The following MAGI2 variants were observed in gnomAD, a reference collection of about 807,000 sequenced individuals.
MAGI2 encodes the protein membrane associated guanylate kinase, WW and PDZ domain containing 2, also known as membrane-associated guanylate kinase, WW and PDZ domain-containing protein 2.
MAGI2 carries 35 observed loss-of-function variants against 133.3 expected under a neutral mutation model. That is an observed-to-expected ratio of 0.26 (90% CI 0.20 to 0.35). The LOEUF (loss-of-function observed/expected upper bound fraction) is 0.35. Ranked by LOEUF, MAGI2 falls within the 10% of genes least tolerant of loss-of-function variation. The pLI is 1.00. For missense variants in MAGI2, 1,636 were observed against 1,863.4 expected (o/e 0.88, Z 2.25); for synonymous variants, 729 against 710.6 (o/e 1.03, Z -0.41).
chr7:78,766,406 G>A (rs1424401496), intron 2 of MAGI2, among the ~76,000 whole-genome samples: 1 of 152,086 alleles, frequency 6.6e-6, no homozygotes, highest in Admixed American at 6.5e-5. Flanking sequence ...AGCCCCAGAT[G>A]GCAAAAAGGT....
intron 2 of MAGI2, among the ~76,000 whole-genome samples, chr7:78,867,102 C>G (rs1467442383): frequency 2.7e-5 from 4 of 149,366 alleles, no homozygotes; most frequent in African/African-American, 9.9e-5. Context: ...GGACTGTAAA[C>G]TAGTTCAACC....
At chr7:78,137,235 C>T (rs1822244216) in intron 16 of MAGI2, among the ~76,000 whole-genome samples, 1 of 152,108 alleles carries the variant, frequency 6.6e-6, no homozygotes, top group Non-Finnish European at 1.5e-5. Flanking sequence ...ATTTGGTCTC[C>T]CTGGCCATAA....
At chr7:78,633,254 G>A (rs1369742693) in intron 2 of MAGI2, among the ~76,000 whole-genome samples, 5 of 152,084 alleles carry the variant, frequency 3.3e-5, no homozygotes, top group Admixed American at 1.3e-4. Flanking sequence ...GGCGGAAGGC[G>A]GGAGGAGGGA....
At chr7:79,034,697 G>A (rs899733013) in intron 1 of MAGI2, among the ~76,000 whole-genome samples, 5 of 152,178 alleles carry the variant, frequency 3.3e-5, no homozygotes, top group Non-Finnish European at 7.3e-5. Flanking sequence ...CAATTAGCCA[G>A]AGTGTGACCA....
intron 2 of MAGI2, among the ~76,000 whole-genome samples, chr7:78,871,091 A>G (rs1014715341): frequency 6.6e-6 from 1 of 152,136 alleles, no homozygotes; most frequent in South Asian, 2.1e-4. Context: ...TGGGCTGATC[A>G]TGAGGTCAGG....
intron 1 of MAGI2, among the ~76,000 whole-genome samples, chr7:79,201,107 G>A (rs1828574970): frequency 1.3e-5 from 2 of 152,002 alleles, no homozygotes; most frequent in South Asian, 2.1e-4. Flanking sequence ...TCAGGAGAGG[G>A]GTGGGAGACA....
chr7:78,140,269 A>AT lies in MAGI2; in HGVS notation c.2846-5064dup, dbSNP rs546069849. On this transcript the variant is annotated intron_variant, in intron 16 of 21. Transcript: ENST00000354212. ...AAATCCTAAGGGAAGGGATTATTAG[A>AT]TCCCCCCTTCTCTCCTCTTTCCTCA... Among the ~76,000 whole-genome samples the AT allele has an allele frequency of 9.7e-4, 148 of 152,214 alleles. 1 individual carries two copies. The highest frequency in any genetic ancestry group is 6.8e-3 in the Middle Eastern group (2 of 294).
chr7:78,784,115 T>A (rs1398330664), intron 2 of MAGI2, among the ~76,000 whole-genome samples: 1 of 152,156 alleles, frequency 6.6e-6, no homozygotes, highest in East Asian at 1.9e-4. Flanking sequence ...ATTAGGTAGA[T>A]CAAGCAAGTC....
At position 78,019,907 on chromosome 7, in the gene MAGI2, T is replaced by C. The variant is rs746621023; in HGVS notation, c.3776A>G (p.Asp1259Gly). 1 of 1,610,698 alleles carries C rather than the reference T, an allele frequency of 6.2e-7. No homozygotes were observed. The highest frequency in any genetic ancestry group is 8.5e-7 in the Non-Finnish European group (1 of 1,178,824). ...PGLPEVGVSLDDGLAPFSPSH... is the reference protein window; with the variant it reads ...PGLPEVGVSLGDGLAPFSPSH... ...TGGAGAGAATGGAGCGAGGCCGTCG[T>C]CCAGGGAGACGCCTACTTCCGGCAG... Residue 1259 changes from aspartate to glycine, a missense_variant, in exon 22 of 22, where the codon GAC becomes GGC. Asp to Gly is a moderately conservative substitution (Grantham distance 94, BLOSUM62 -1). Transcript: ENST00000354212.
chr7:79,259,908 C>T (rs920321306), intron 1 of MAGI2, among the ~76,000 whole-genome samples: 6 of 152,124 alleles, frequency 3.9e-5, no homozygotes, highest in Non-Finnish European at 7.3e-5. Flanking sequence ...CTGCAGGGCA[C>T]TTTATAGGAA....
intron 9 of MAGI2, among the ~76,000 whole-genome samples, chr7:78,294,469 T>C (rs1056494514): frequency 2.6e-5 from 4 of 151,518 alleles, no homozygotes; most frequent in African/African-American, 9.7e-5. Flanking sequence ...AACTCTGTTC[T>C]GTGTTTCTTT....
intron 2 of MAGI2, among the ~76,000 whole-genome samples, chr7:78,865,268 C>G (rs570212928): frequency 5.9e-5 from 9 of 152,060 alleles, no homozygotes; most frequent in Non-Finnish European, 1.0e-4. Flanking sequence ...GACAACACTT[C>G]CTACATTAGG....
rs542995106 is a variant in MAGI2, at chr7:78,960,497, T to C, written c.418+46593A>G. On this transcript the variant is annotated intron_variant, in intron 2 of 21. Coordinates refer to ENST00000354212, the MANE Select transcript of MAGI2 (RefSeq NM_012301.4). ...AGTGAGTACTGCTAGAGTCTTTCTT[T>C]AGTGGCCTTGAGACATAATGTTTGC... Among the ~76,000 whole-genome samples the C allele has an allele frequency of 5.3e-5, 8 of 152,198 alleles. No individual in the cohort carries two copies. The South Asian group carries it at 1.7e-3, about 32-fold the overall frequency.
chr7:79,325,170 C>T (rs1396131750), intron 1 of MAGI2, among the ~76,000 whole-genome samples: 1 of 152,076 alleles, frequency 6.6e-6, no homozygotes, highest in African/African-American at 2.4e-5. Context: ...GGATGCTGTC[C>T]ATCCAACATC....
At chr7:79,370,027 A>C (rs1430067918) in intron 1 of MAGI2, among the ~76,000 whole-genome samples, 1 of 152,092 alleles carries the variant, frequency 6.6e-6, no homozygotes, top group Non-Finnish European at 1.5e-5. Context: ...TAAGGCATGC[A>C]TGAATATAAA....
intron 2 of MAGI2, among the ~76,000 whole-genome samples, chr7:78,877,281 C>T (rs1300225274): frequency 6.6e-6 from 1 of 152,168 alleles, no homozygotes; most frequent in Non-Finnish European, 1.5e-5. Flanking sequence ...CTGTACTTAT[C>T]TGCTAGACGT....
chr7:79,319,275 T>G (rs935065482), intron 1 of MAGI2, among the ~76,000 whole-genome samples: 2 of 152,150 alleles, frequency 1.3e-5, no homozygotes, highest in Admixed American at 6.6e-5. Flanking sequence ...AATGCTTGAG[T>G]GAATATAGTG....
intron 7 of MAGI2, chr7:78,348,286 T>C (rs1791125756): frequency 6.6e-6 from 1 of 152,172 alleles, no homozygotes; most frequent in African/African-American, 2.4e-5. Context: ...TATCTTTATC[T>C]GTAAAATGGG....
chr7:78,813,437 A>T (rs1354885819), intron 2 of MAGI2, among the ~76,000 whole-genome samples: 1 of 152,256 alleles, frequency 6.6e-6, no homozygotes, highest in East Asian at 1.9e-4. Context: ...AATATATGAG[A>T]TAACTGATGC....
Sources: allele counts gnomAD v4.1 joint callset (sites outside exome capture counted in the v4.1 genomes callset), GRCh38; gene constraint gnomAD v4.1.1; transcripts MANE v1.5; gene names NCBI Gene and HGNC (gene_info 2026-07-23, HGNC 2026-07-21).